WASF2: variants seen among roughly 807,000 people sequenced by gnomAD.
WASF2 encodes the protein actin-binding protein WASF2.
A neutral mutation model predicts 45.0 loss-of-function variants in WASF2; 14 were observed. The ratio of observed to expected loss-of-function variants is 0.31; its 90% CI spans 0.21 to 0.49. WASF2 has a LOEUF of 0.49. Among genes scored for constraint, WASF2 ranks in the 20% least tolerant of loss-of-function variants. The probability of loss-of-function intolerance (pLI) is 0.99; values close to 1 mark genes in which losing one functional copy is unlikely to be tolerated. For missense variants in WASF2, 439 were observed against 636.1 expected (o/e 0.69, Z 3.33); for synonymous variants, 200 against 236.3 (o/e 0.85, Z 1.41).
chr1:27,450,416 GC>G (rs2017368758), intron 1 of WASF2, among the ~76,000 whole-genome samples: 1 of 152,136 alleles, frequency 6.6e-6, no homozygotes, highest in South Asian at 2.1e-4. Context: ...TCCCAAACCA[GC>G]TTCTTGTCTT....
chr1:27,482,892 C>G (rs1281265516), intron 1 of WASF2, among the ~76,000 whole-genome samples: 1 of 152,118 alleles, frequency 6.6e-6, no homozygotes, highest in Non-Finnish European at 1.5e-5. Context: ...ATCTATCCCC[C>G]CAGGATAAAA....
chr1:27,421,141 C>T (rs1480297401), intron 2 of WASF2, among the ~76,000 whole-genome samples: 3 of 152,284 alleles, frequency 2.0e-5, no homozygotes, highest in East Asian at 3.9e-4. Flanking sequence ...GCATATTGAT[C>T]GTTTGTGACC....
intron 1 of WASF2, among the ~76,000 whole-genome samples, chr1:27,470,361 AG>A (rs1429148382): frequency 6.6e-6 from 1 of 152,164 alleles, no homozygotes; most frequent in Non-Finnish European, 1.5e-5. Context: ...GGAGCTGGGG[AG>A]GGGGATGAAA....
At chr1:27,467,232 AC>A (rs1465826232) in intron 1 of WASF2, among the ~76,000 whole-genome samples, 318 of 146,826 alleles carry the variant, frequency 2.2e-3, no homozygotes, top group African/African-American at 7.8e-3. Context: ...AAAAAAAAAA[AC>A]CAAAACACAC....
intron 2 of WASF2, among the ~76,000 whole-genome samples, chr1:27,423,542 G>C (rs1252921497): frequency 2.6e-5 from 4 of 152,136 alleles, no homozygotes; most frequent in Non-Finnish European, 4.4e-5. Flanking sequence ...TCAGTAATTT[G>C]ATAGTATCTA....
At chr1:27,440,095 G>A (rs181269633) in intron 1 of WASF2, among the ~76,000 whole-genome samples, 16 of 152,294 alleles carry the variant, frequency 1.1e-4, no homozygotes, top group East Asian at 7.7e-4. Flanking sequence ...GTTTTTCAAG[G>A]AGAGCTAATA....
At chr1:27,413,149 T>C (rs1477991138) in intron 6 of WASF2, among the ~76,000 whole-genome samples, 1 of 152,176 alleles carries the variant, frequency 6.6e-6, no homozygotes, top group Non-Finnish European at 1.5e-5. Flanking sequence ...CAGACTGATT[T>C]TGAGGTCAGC....
chr1:27,466,695 C>T (rs1016902546), intron 1 of WASF2, among the ~76,000 whole-genome samples: 2 of 151,938 alleles, frequency 1.3e-5, no homozygotes, highest in African/African-American at 2.4e-5. Context: ...TAATGAAGCC[C>T]GTCTCTACAA....
At chr1:27,432,610 TG>T (rs1303791369) in intron 1 of WASF2, among the ~76,000 whole-genome samples, 1 of 112,754 alleles carries the variant, frequency 8.9e-6, no homozygotes, top group Non-Finnish European at 1.6e-5. Flanking sequence ...ATCGCGCCAC[TG>T]CACTCCAGCC....
At chr1:27,470,669 C>A (rs2017676339) in intron 1 of WASF2, among the ~76,000 whole-genome samples, 2 of 132,706 alleles carry the variant, frequency 1.5e-5, no homozygotes, top group Non-Finnish European at 3.2e-5. Context: ...ATTTGGGGGG[C>A]TGGGGAGTGG....
intron 2 of WASF2, among the ~76,000 whole-genome samples, chr1:27,421,918 G>A (rs1158754273): frequency 3.3e-5 from 5 of 152,004 alleles, no homozygotes; most frequent in African/African-American, 1.2e-4. Context: ...AGAGGTTGCA[G>A]TGAGCCCAGA....
intron 2 of WASF2, among the ~76,000 whole-genome samples, chr1:27,422,615 T>A (rs1357369635): frequency 1.1e-4 from 5 of 45,182 alleles, no homozygotes; most frequent in Non-Finnish European, 9.7e-5. Flanking sequence ...CAAGACTCCG[T>A]CTCAAAAAAA....
intron 1 of WASF2, among the ~76,000 whole-genome samples, chr1:27,454,173 ATATATATATATATAT>A (rs2017429691): frequency 2.7e-4 from 17 of 62,308 alleles, no homozygotes; most frequent in East Asian, 1.1e-3. Flanking sequence ...ATATATATAT[ATATATATATATATAT>A]TTTTTTTTTT....
At chr1:27,435,615 C>T (rs1030325089) in intron 1 of WASF2, among the ~76,000 whole-genome samples, 10 of 129,410 alleles carry the variant, frequency 7.7e-5, no homozygotes, top group Non-Finnish European at 1.6e-4. Context: ...ATGACTGCTC[C>T]CAACAGCCTG....
At chr1:27,426,614 G>T (rs935284338) in intron 2 of WASF2, among the ~76,000 whole-genome samples, 2 of 151,608 alleles carry the variant, frequency 1.3e-5, no homozygotes, top group African/African-American at 4.9e-5. Flanking sequence ...GGATTCAAGC[G>T]ATTCTCGTGC....
At chr1:27,412,873 A>G (rs1326636166) in intron 6 of WASF2, 146 bp from the exon 7 acceptor site, 5 of 887,832 alleles carry the variant, frequency 5.6e-6, no homozygotes, top group Non-Finnish European at 8.7e-6. Flanking sequence ...TTTCTGTTAC[A>G]CTGAAATTTT....
chr1:27,437,787 A>C (rs145511987), intron 1 of WASF2, among the ~76,000 whole-genome samples: 13 of 152,330 alleles, frequency 8.5e-5, no homozygotes, highest in African/African-American at 2.6e-4. Flanking sequence ...ACTCCTAATA[A>C]GGTATCAGAT....
At chr1:27,483,013 G>C (rs970026260) in intron 1 of WASF2, among the ~76,000 whole-genome samples, 1 of 152,130 alleles carries the variant, frequency 6.6e-6, no homozygotes, top group African/African-American at 2.4e-5. Flanking sequence ...AATGGAAGAG[G>C]AGCACACAAG....
At chr1:27,441,442 A>G (rs2148119106) in intron 1 of WASF2, among the ~76,000 whole-genome samples, 1 of 150,556 alleles carries the variant, frequency 6.6e-6, no homozygotes. Flanking sequence ...AGCTTGGCCA[A>G]CAGAGTGAAA....
Sources: gnomAD v4.1 joint callset for allele counts (sites outside exome capture counted in the v4.1 genomes callset) on GRCh38, gnomAD v4.1.1 for gene constraint, MANE v1.5 for transcripts, NCBI Gene and HGNC (gene_info 2026-07-23, HGNC 2026-07-21) for gene names.